The following NXPH1 variants were observed in gnomAD, a reference collection of about 807,000 sequenced individuals.
The protein encoded by NXPH1 is neurexophilin 1, also known as neurexophilin-1.
Under a neutral mutation model 23.7 loss-of-function variants are expected in NXPH1, and 5 were observed. That is an observed-to-expected ratio of 0.21 (90% confidence interval 0.11 to 0.44). The LOEUF (loss-of-function observed/expected upper bound fraction) is 0.44, where lower values mean the gene tolerates loss of function less well. Ranked by LOEUF, NXPH1 falls within the 20% of genes least tolerant of loss-of-function variation. The pLI is 0.99. For synonymous variants in NXPH1, 144 were observed against 122.2 expected, an observed-to-expected ratio of 1.18 and a Z score of -1.18; for missense variants, 324 against 321.6, an observed-to-expected ratio of 1.01 and a Z score of -0.06.
At chr7:8,643,931 G>A (rs1304219196) in intron 2 of NXPH1, among the ~76,000 whole-genome samples, 2 of 151,698 alleles carry the variant, frequency 1.3e-5, no homozygotes, top group African/African-American at 4.8e-5. Flanking sequence ...TCTTATTTTA[G>A]TATTACATTT....
intron 2 of NXPH1, among the ~76,000 whole-genome samples, chr7:8,513,322 G>A (rs1020349504): frequency 5.3e-5 from 8 of 152,082 alleles, no homozygotes; most frequent in African/African-American, 1.9e-4. Context: ...TCTCTTACCT[G>A]CAATTCTGAA....
chr7:8,476,965 T>C (rs1816984447), intron 2 of NXPH1, among the ~76,000 whole-genome samples: 1 of 152,182 alleles, frequency 6.6e-6, no homozygotes, highest in Non-Finnish European at 1.5e-5. Context: ...TTATTTTAAA[T>C]TGAAGACTAG....
At chr7:8,463,533 T>A (rs909694572) in intron 2 of NXPH1, among the ~76,000 whole-genome samples, 2 of 152,202 alleles carry the variant, frequency 1.3e-5, no homozygotes, top group Non-Finnish European at 2.9e-5. Context: ...AAATTGCCAT[T>A]CAAAAGTTTT....
intron 2 of NXPH1, among the ~76,000 whole-genome samples, chr7:8,741,174 G>A (rs1324068725): frequency 6.6e-6 from 1 of 152,108 alleles, no homozygotes; most frequent in Non-Finnish European, 1.5e-5. Flanking sequence ...ATTTTACTTA[G>A]CACAATGTCC....
At chr7:8,525,587 T>C (rs1272289242) in intron 2 of NXPH1, among the ~76,000 whole-genome samples, 1 of 151,808 alleles carries the variant, frequency 6.6e-6, no homozygotes, top group Non-Finnish European at 1.5e-5. Context: ...GAGGAAAAAG[T>C]GGTTTCATGG....
chr7:8,663,706 C>T (rs1287857415), intron 2 of NXPH1, among the ~76,000 whole-genome samples: 3 of 152,030 alleles, frequency 2.0e-5, no homozygotes, highest in Non-Finnish European at 4.4e-5. Context: ...ACTAATCAGC[C>T]AGGGGATCCA....
intron 2 of NXPH1, among the ~76,000 whole-genome samples, chr7:8,722,073 T>C (rs1779978998): frequency 6.6e-6 from 1 of 152,104 alleles, no homozygotes; most frequent in Non-Finnish European, 1.5e-5. Flanking sequence ...CCTTTATTCA[T>C]TAGAGGGTGA....
intron 2 of NXPH1, among the ~76,000 whole-genome samples, chr7:8,653,074 T>C (rs1418025165): frequency 6.6e-6 from 1 of 152,202 alleles, no homozygotes; most frequent in African/African-American, 2.4e-5. Context: ...CACAAATCTA[T>C]GAAGAACTTT....
intron 2 of NXPH1, among the ~76,000 whole-genome samples, chr7:8,527,353 G>A (rs938155606): frequency 2.6e-5 from 4 of 152,196 alleles, no homozygotes; most frequent in African/African-American, 4.8e-5. Flanking sequence ...GCAGAAGGGG[G>A]CACTCAGTGA....
chr7:8,556,804 C>CA (rs200987698), intron 2 of NXPH1, among the ~76,000 whole-genome samples: 2,816 of 146,152 alleles, frequency 0.019, 35 homozygotes, highest in Non-Finnish European at 0.03. Context: ...CTTTTCAAAC[C>CA]AAAGATGATA....
At chr7:8,729,637 T>A (rs1166503271) in intron 2 of NXPH1, among the ~76,000 whole-genome samples, 1 of 138,810 alleles carries the variant, frequency 7.2e-6, no homozygotes, top group Non-Finnish European at 1.5e-5. Flanking sequence ...AGTTTCCATG[T>A]AGTTGAGCGG....
intron 2 of NXPH1, among the ~76,000 whole-genome samples, chr7:8,436,821 G>C (rs540626968): frequency 6.6e-6 from 1 of 152,114 alleles, no homozygotes; most frequent in South Asian, 2.1e-4. Flanking sequence ...TGATACTGGC[G>C]CTCCTCAATC....
intron 2 of NXPH1, among the ~76,000 whole-genome samples, chr7:8,624,332 T>G (rs764005016): frequency 6.6e-6 from 1 of 152,162 alleles, no homozygotes; most frequent in South Asian, 2.1e-4. Context: ...GCTTTCCAAT[T>G]GAACCTTGTT....
At chr7:8,519,903 T>G (rs1003424084) in intron 2 of NXPH1, among the ~76,000 whole-genome samples, 1 of 152,200 alleles carries the variant, frequency 6.6e-6, no homozygotes, top group East Asian at 1.9e-4. Flanking sequence ...AATGTATCAT[T>G]TGAAATGAGA....
intron 2 of NXPH1, among the ~76,000 whole-genome samples, chr7:8,702,787 C>G (rs1048849134): frequency 3.9e-5 from 6 of 152,062 alleles, no homozygotes; most frequent in Non-Finnish European, 8.8e-5. Context: ...AATGAAATTA[C>G]TTTCTAAAAC....
intron 2 of NXPH1, among the ~76,000 whole-genome samples, chr7:8,461,890 A>G (rs1816703471): frequency 6.6e-6 from 1 of 151,398 alleles, no homozygotes; most frequent in Admixed American, 6.6e-5. Flanking sequence ...ACCTACATAT[A>G]CTCAAACACC....
chr7:8,726,099 C>G (rs1687954807), intron 2 of NXPH1, among the ~76,000 whole-genome samples: 1 of 152,040 alleles, frequency 6.6e-6, no homozygotes, highest in Non-Finnish European at 1.5e-5. Flanking sequence ...GGAATTTGGA[C>G]TTCTATTGGA....
At chr7:8,671,730 C>T (rs1162705916) in intron 2 of NXPH1, among the ~76,000 whole-genome samples, 1 of 152,136 alleles carries the variant, frequency 6.6e-6, no homozygotes, top group East Asian at 1.9e-4. Flanking sequence ...AAGGTTATTG[C>T]ATAAATCCTA....
At chr7:8,444,837 G>C (rs1350118324) in intron 2 of NXPH1, among the ~76,000 whole-genome samples, 1 of 152,176 alleles carries the variant, frequency 6.6e-6, no homozygotes, top group Non-Finnish European at 1.5e-5. Context: ...ACATTAATGA[G>C]AACAAAATTA....
Sources: gnomAD v4.1 joint callset for allele counts (sites outside exome capture counted in the v4.1 genomes callset) on GRCh38, gnomAD v4.1.1 for gene constraint, MANE v1.5 for transcripts, NCBI Gene and HGNC (gene_info 2026-07-23, HGNC 2026-07-21) for gene names.